SNCAIP: variants seen among roughly 807,000 people sequenced by gnomAD.
SNCAIP encodes the protein synphilin-1.
In SNCAIP, 43 loss-of-function variants were observed where a neutral mutation model predicts 86.7. That is an observed-to-expected ratio of 0.50 (90% CI 0.39 to 0.64). SNCAIP has a LOEUF of 0.64. SNCAIP is among the 30% of genes least tolerant of loss of function. The probability of loss-of-function intolerance (pLI) is 0.00; values close to 1 mark genes in which losing one functional copy is unlikely to be tolerated. For missense variants in SNCAIP, 981 were observed against 1,103.1 expected (o/e 0.89, Z 1.57); for synonymous variants, 417 against 427.2 (o/e 0.98, Z 0.29).
intron 1 of SNCAIP, among the ~76,000 whole-genome samples, chr5:122,357,316 A>C (rs947362922): frequency 6.6e-6 from 1 of 151,272 alleles, no homozygotes; most frequent in African/African-American, 2.4e-5. Flanking sequence ...GCTCACTACA[A>C]CCTCCACCTC....
At chr5:122,451,751 C>T (rs1783732007) in intron 10 of SNCAIP, 150 bp downstream of exon 10, 1 of 631,680 alleles carries the variant, frequency 1.6e-6, no homozygotes, top group Non-Finnish European at 2.8e-6. Flanking sequence ...CTTCATGTGT[C>T]TAATGAGACA....
At chr5:122,418,133 A>G (rs577998918) in intron 3 of SNCAIP, among the ~76,000 whole-genome samples, 1 of 152,352 alleles carries the variant, frequency 6.6e-6, no homozygotes, top group South Asian at 2.1e-4. Flanking sequence ...AGAGTATGGT[A>G]TATCCAGAAA....
intron 5 of SNCAIP, among the ~76,000 whole-genome samples, chr5:122,430,379 G>A (rs1778175944): frequency 6.6e-6 from 1 of 152,128 alleles, no homozygotes; most frequent in African/African-American, 2.4e-5. Flanking sequence ...CTAATAGAAG[G>A]TAACAAGTAT....
In SNCAIP at chr5:122,425,490, C is replaced by T. The variant is rs1175100479; in HGVS notation, c.1141C>T (p.Arg381Cys). 1 of 1,614,068 alleles carries T rather than the reference C, an allele frequency of 6.2e-7. No homozygotes were observed. The highest frequency in any genetic ancestry group is 1.7e-5 in the Admixed American group (1 of 60,030). ...SLMGEDCLNE[R>C]NTEKLTPAGL... ...GATGGGAGAAGACTGCCTCAATGAG[C>T]GCAACACTGAGAAGTTGACTCCAGC... is the stretch of plus-strand genomic sequence containing the variant. Residue 381 changes from arginine (R) to cysteine (C), a missense_variant, in exon 5 of 11, where the codon CGC (arginine) becomes TGC (cysteine). By Grantham distance (180) the Arg-to-Cys change is radical. Coordinates refer to ENST00000261368, the MANE Select transcript of SNCAIP (RefSeq NM_005460.4).
At chr5:122,429,467 A>T (rs1777964047) in intron 5 of SNCAIP, among the ~76,000 whole-genome samples, 2 of 151,946 alleles carry the variant, frequency 1.3e-5, no homozygotes, top group South Asian at 4.2e-4. Flanking sequence ...CAAAAAAAAA[A>T]AAAATAGAAG....
intron 2 of SNCAIP, among the ~76,000 whole-genome samples, chr5:122,396,200 T>C (rs940513458): frequency 6.6e-6 from 1 of 152,180 alleles, no homozygotes. Flanking sequence ...TCTAACATCA[T>C]ATGCCATATG....
intron 1 of SNCAIP, among the ~76,000 whole-genome samples, chr5:122,335,290 T>C (rs1298232779): frequency 6.6e-6 from 1 of 152,230 alleles, no homozygotes; most frequent in Non-Finnish European, 1.5e-5. Flanking sequence ...TAAGGATTTG[T>C]CTTGACAGTG....
chr5:122,426,144 C>A (rs1407964204), intron 5 of SNCAIP, among the ~76,000 whole-genome samples: 1 of 152,154 alleles, frequency 6.6e-6, no homozygotes, highest in Non-Finnish European at 1.5e-5. Flanking sequence ...AGTGCCTCTG[C>A]AAAATATAGC....
At chr5:122,330,197 C>A (rs1371685575) in intron 1 of SNCAIP, among the ~76,000 whole-genome samples, 1 of 145,028 alleles carries the variant, frequency 6.9e-6, no homozygotes, top group African/African-American at 2.6e-5. Flanking sequence ...TCTCGGCTCA[C>A]TGCAAGCTCC....
chr5:122,349,841 G>A (rs1759409587), intron 1 of SNCAIP, among the ~76,000 whole-genome samples: 1 of 152,210 alleles, frequency 6.6e-6, no homozygotes, highest in East Asian at 1.9e-4. Flanking sequence ...TTTTGATGGG[G>A]CTCTTCTCTG....
At chr5:122,338,073 G>A (rs536529644) in intron 1 of SNCAIP, among the ~76,000 whole-genome samples, 218 of 152,192 alleles carry the variant, frequency 1.4e-3, no homozygotes, top group Middle Eastern at 3.4e-3. Context: ...AATCTCAACC[G>A]GAAGTATTTT....
intron 1 of SNCAIP, among the ~76,000 whole-genome samples, chr5:122,355,325 T>G (rs1268973782): frequency 1.3e-5 from 2 of 152,208 alleles, no homozygotes; most frequent in Non-Finnish European, 2.9e-5. Flanking sequence ...GAGAGTTTTT[T>G]TCAAGTTCTT....
At chr5:122,338,028 T>C (rs778937193) in intron 1 of SNCAIP, among the ~76,000 whole-genome samples, 1 of 152,226 alleles carries the variant, frequency 6.6e-6, no homozygotes, top group Non-Finnish European at 1.5e-5. Context: ...ATATTTTGAG[T>C]CACATATATT....
intron 10 of SNCAIP, among the ~76,000 whole-genome samples, chr5:122,457,002 T>A (rs960975928): frequency 2.6e-5 from 4 of 151,062 alleles, no homozygotes; most frequent in African/African-American, 9.7e-5. Context: ...TATTTTTGTT[T>A]TGTTTTGTTT....
In SNCAIP at chr5:122,422,893, C is replaced by A; in HGVS notation, c.156C>A (p.Gly52=). 1 of 1,613,836 alleles carries A rather than the reference C, an allele frequency of 6.2e-7. No homozygotes were observed. The highest frequency in any genetic ancestry group is 8.5e-7 in the Non-Finnish European group (1 of 1,179,768). The change falls in exon 4 of 11, where the codon GGC becomes GGA. Residue 52 remains glycine (G), a synonymous_variant. Coordinates refer to ENST00000261368, the MANE Select transcript of SNCAIP (RefSeq NM_005460.4). ...TTTCTAGCTCTAGCTGGAATTGTGGCATCTCAACTCTTATTACAAACACGC... is the reference window on the plus strand; with the variant it reads ...TTTCTAGCTCTAGCTGGAATTGTGGAATCTCAACTCTTATTACAAACACGC... ...RSVSSSSWNC[G]ISTLITNTQK...
chr5:122,406,498 G>C (rs1301614339), intron 3 of SNCAIP, among the ~76,000 whole-genome samples: 2 of 152,162 alleles, frequency 1.3e-5, no homozygotes, highest in African/African-American at 4.8e-5. Context: ...ATGTTGAATG[G>C]TAAACCCTAA....
intron 1 of SNCAIP, among the ~76,000 whole-genome samples, chr5:122,324,080 A>T (rs1753534382): frequency 1.3e-5 from 2 of 152,146 alleles, no homozygotes; most frequent in South Asian, 4.1e-4. Flanking sequence ...GCTCAAAAAC[A>T]GGACTAAGAA....
chr5:122,445,994 A>T (rs1478769647), intron 8 of SNCAIP, among the ~76,000 whole-genome samples: 2 of 152,010 alleles, frequency 1.3e-5, no homozygotes, highest in African/African-American at 4.8e-5. Context: ...TAAAATTTGA[A>T]ACTTGAAAAA....
In SNCAIP at chr5:122,418,254, C is replaced by A. The variant is rs913034004; in HGVS notation, c.131-4614C>A. On this transcript the variant is annotated intron_variant, in intron 3 of 10. Transcript: ENST00000261368. ...AATACAAGAGCTGCTACATACCATGCTAAAGAATTTAGCTGTTATCCTGGA... is the reference window on the plus strand; with the variant it reads ...AATACAAGAGCTGCTACATACCATGATAAAGAATTTAGCTGTTATCCTGGA... 5.3e-5 allele frequency among the ~76,000 whole-genome samples: 8 copies of A among 152,152 alleles called. No individual in the cohort carries two copies. The East Asian group carries it at 1.5e-3, about 29-fold the overall frequency.
Sources: allele counts gnomAD v4.1 joint callset (sites outside exome capture counted in the v4.1 genomes callset), GRCh38; gene constraint gnomAD v4.1.1; transcripts MANE v1.5; gene names NCBI Gene and HGNC (gene_info 2026-07-23, HGNC 2026-07-21).